Variants in ZCCHC24 observed in about 807,000 individuals in gnomAD.
ZCCHC24 encodes the protein zinc finger CCHC-type containing 24.
Under a neutral mutation model 26.2 loss-of-function variants are expected in ZCCHC24, and 10 were observed. That is an observed-to-expected ratio of 0.38 (90% CI 0.24 to 0.65). The LOEUF (loss-of-function observed/expected upper bound fraction) is 0.65, where lower values mean the gene tolerates loss of function less well. Ranked by LOEUF, ZCCHC24 falls within the 30% of genes least tolerant of loss-of-function variation. ZCCHC24 has a pLI of 0.54. For synonymous variants in ZCCHC24, 144 were observed against 147.1 expected (o/e 0.98, Z 0.15); for missense variants, 243 against 329.1 (o/e 0.74, Z 2.03).
At chr10:79,402,127 C>T (rs1856641497) in intron 2 of ZCCHC24, among the ~76,000 whole-genome samples, 2 of 152,210 alleles carry the variant, frequency 1.3e-5, no homozygotes, top group Admixed American at 1.3e-4. Flanking sequence ...AGGCCTTTAC[C>T]AGAGGAGGCA....
intron 2 of ZCCHC24, among the ~76,000 whole-genome samples, chr10:79,396,626 T>C (rs1856550591): frequency 6.6e-6 from 1 of 152,208 alleles, no homozygotes; most frequent in Non-Finnish European, 1.5e-5. Flanking sequence ...CACCAGCTTG[T>C]TAGAAATGTA....
chr10:79,396,001 C>T (rs1856541833), intron 2 of ZCCHC24, among the ~76,000 whole-genome samples: 1 of 152,222 alleles, frequency 6.6e-6, no homozygotes, highest in Non-Finnish European at 1.5e-5. Context: ...CTTCCCCATC[C>T]TACTCCCACT....
intron 2 of ZCCHC24, among the ~76,000 whole-genome samples, chr10:79,420,423 C>A (rs1856920639): frequency 6.6e-6 from 1 of 152,176 alleles, no homozygotes; most frequent in Admixed American, 6.5e-5. Context: ...AGTGCTGAAG[C>A]AGTCTCTTAG....
intron 2 of ZCCHC24, among the ~76,000 whole-genome samples, chr10:79,410,988 G>A (rs1234844036): frequency 6.6e-6 from 1 of 152,204 alleles, no homozygotes; most frequent in Non-Finnish European, 1.5e-5. Flanking sequence ...GCCCATGGTT[G>A]CCCTGGCTCT....
At chr10:79,423,033 A>G (rs886985448) in intron 2 of ZCCHC24, among the ~76,000 whole-genome samples, 19 of 152,182 alleles carry the variant, frequency 1.2e-4, no homozygotes, top group Admixed American at 4.6e-4. Context: ...GATATCACCC[A>G]CGTCAACATC....
chr10:79,404,833 C>T, intron 2 of ZCCHC24, among the ~76,000 whole-genome samples: 1 of 152,216 alleles, frequency 6.6e-6, no homozygotes, highest in East Asian at 1.9e-4. Flanking sequence ...TGACCTTCCA[C>T]CCACAGCACT....
At chr10:79,438,139 G>A (rs574942975) in intron 1 of ZCCHC24, among the ~76,000 whole-genome samples, 103 of 152,230 alleles carry the variant, frequency 6.8e-4, no homozygotes, top group Middle Eastern at 6.8e-3. Flanking sequence ...ACTCTGATTC[G>A]AGTCCCTAGC....
At chr10:79,391,663 C>T (rs1856481548) in intron 3 of ZCCHC24, among the ~76,000 whole-genome samples, 1 of 151,916 alleles carries the variant, frequency 6.6e-6, no homozygotes. Context: ...CCCTCCTCCC[C>T]TGCTCCCTCC....
At chr10:79,408,312 G>A (rs1856745394) in intron 2 of ZCCHC24, among the ~76,000 whole-genome samples, 1 of 152,180 alleles carries the variant, frequency 6.6e-6, no homozygotes, top group Non-Finnish European at 1.5e-5. Flanking sequence ...CCTGCAGGGA[G>A]CTCAGGGACT....
At chr10:79,421,783 C>T (rs1307785378) in intron 2 of ZCCHC24, among the ~76,000 whole-genome samples, 1 of 152,130 alleles carries the variant, frequency 6.6e-6, no homozygotes, top group African/African-American at 2.4e-5. Context: ...TGCGCCACCA[C>T]ACCTGGCTAA....
chr10:79,389,529 A>AGTGTGTGTGTGT lies in ZCCHC24; in HGVS notation c.613-3083_613-3072dup, dbSNP rs5786399. On this transcript the variant is annotated intron_variant, in intron 3 of 3. Coordinates refer to ENST00000372336, the MANE Select transcript of ZCCHC24 (RefSeq NM_153367.4). Reference sequence around the variant, plus strand: ...TAATAACATTCACTGACTTTTTCCTAGTGTGTGTGTGTGTGTGTGTGTGTG... The same window carrying AGTGTGTGTGTGT: ...TAATAACATTCACTGACTTTTTCCTAGTGTGTGTGTGTGTGTGTGTGTGTGTGTGTGTGTGTG... Among the ~76,000 whole-genome samples, 941 of 146,308 alleles carry AGTGTGTGTGTGT rather than the reference A, an allele frequency of 6.4e-3. 14 individuals are homozygous for AGTGTGTGTGTGT. Among genetic ancestry groups the AGTGTGTGTGTGT allele is most frequent in the African/African-American group, 0.023 (887 of 39,186 alleles).
At chr10:79,388,069 C>T (rs557960878) in intron 3 of ZCCHC24, among the ~76,000 whole-genome samples, 12 of 152,310 alleles carry the variant, frequency 7.9e-5, no homozygotes, top group African/African-American at 2.2e-4. Context: ...GCTCGAATGC[C>T]GGCTCTGCTA....
chr10:79,391,315 G>A (rs542286759), intron 3 of ZCCHC24, among the ~76,000 whole-genome samples: 4 of 152,232 alleles, frequency 2.6e-5, no homozygotes, highest in African/African-American at 7.2e-5. Context: ...TGGAGATGGC[G>A]AGGCAGGTGG....
intron 2 of ZCCHC24, among the ~76,000 whole-genome samples, chr10:79,423,678 C>G (rs973939818): frequency 6.9e-6 from 1 of 143,974 alleles, no homozygotes; most frequent in African/African-American, 2.6e-5. Flanking sequence ...CACTATTATA[C>G]CCATTTTCTC....
At chr10:79,411,731 C>T (rs563477679) in intron 2 of ZCCHC24, among the ~76,000 whole-genome samples, 26 of 152,238 alleles carry the variant, frequency 1.7e-4, no homozygotes, top group African/African-American at 6.3e-4. Context: ...GGATCCCAGG[C>T]CAGTGCTAGG....
chr10:79,427,843 C>T (rs1857054881), intron 2 of ZCCHC24, among the ~76,000 whole-genome samples: 1 of 151,996 alleles, frequency 6.6e-6, no homozygotes, highest in African/African-American at 2.4e-5. Context: ...CACAGCACCG[C>T]ACTCCAGCCT....
intron 2 of ZCCHC24, among the ~76,000 whole-genome samples, chr10:79,408,595 C>T (rs547866589): frequency 5.9e-5 from 9 of 152,224 alleles, no homozygotes; most frequent in Admixed American, 2.0e-4. Context: ...TACAGCCAGG[C>T]GCGGAAGAAA....
In ZCCHC24 at chr10:79,384,226, A is replaced by C. The variant is rs942930891; in HGVS notation, c.*2119T>G. On this transcript the variant is annotated 3_prime_UTR_variant, in exon 4 of 4. Coordinates refer to ENST00000372336, the MANE Select transcript of ZCCHC24 (RefSeq NM_153367.4). ...TATCCCAACTCCCCTTAGCCCGTGC[A>C]GGGAAGCCCTGGCCTCCAGTGGTCT... is the stretch of plus-strand genomic sequence containing the variant. 1 of 152,352 alleles carries C rather than the reference A, an allele frequency of 6.6e-6. No homozygotes were observed. The highest frequency in any genetic ancestry group is 2.4e-5 in the African/African-American group (1 of 41,466). The allele number at this position is 152,352 out of a possible 1,614,324, so 9.4% of individuals were successfully genotyped here.
chr10:79,392,957 GCACCAAC>G (rs1358353729), intron 3 of ZCCHC24, among the ~76,000 whole-genome samples: 1 of 152,144 alleles, frequency 6.6e-6, no homozygotes, highest in Non-Finnish European at 1.5e-5. Context: ...TGACATTTGA[GCACCAAC>G]CACCAGCCAA....
Sources: gnomAD v4.1 joint callset for allele counts (sites outside exome capture counted in the v4.1 genomes callset) on GRCh38, gnomAD v4.1.1 for gene constraint, MANE v1.5 for transcripts, NCBI Gene and HGNC (gene_info 2026-07-23, HGNC 2026-07-21) for gene names.